The following DROSHA variants were observed in gnomAD, a reference collection of about 807,000 sequenced individuals.
The protein encoded by DROSHA is ribonuclease 3.
In DROSHA, 56 loss-of-function variants were observed where a neutral mutation model predicts 181.9. The ratio of observed to expected loss-of-function variants is 0.31; its 90% confidence interval spans 0.25 to 0.38. The LOEUF (loss-of-function observed/expected upper bound fraction) is 0.38. Ranked by LOEUF, DROSHA falls within the 10% of genes least tolerant of loss-of-function variation. The pLI is 1.00. For synonymous variants in DROSHA, 524 were observed against 591.2 expected (o/e 0.89, Z 1.65); for missense variants, 1,218 against 1,743.5 (o/e 0.70, Z 5.37).
intron 27 of DROSHA, among the ~76,000 whole-genome samples, chr5:31,426,609 G>A (rs1035986868): frequency 2.6e-5 from 4 of 152,018 alleles, no homozygotes; most frequent in African/African-American, 9.7e-5. Flanking sequence ...AATCAAAAAC[G>A]GGGCACCAGA....
chr5:31,413,324 C>T (rs7711840), intron 30 of DROSHA, among the ~76,000 whole-genome samples: 60 of 152,304 alleles, frequency 3.9e-4, no homozygotes, highest in African/African-American at 1.4e-3. Context: ...AAGGAAGCTA[C>T]ACATCATCCA....
chr5:31,450,377 C>T (rs1746826706), intron 21 of DROSHA, among the ~76,000 whole-genome samples: 2 of 152,200 alleles, frequency 1.3e-5, no homozygotes, highest in African/African-American at 4.8e-5. Flanking sequence ...GACACCTGCA[C>T]TTCTATGCTT....
intron 9 of DROSHA, among the ~76,000 whole-genome samples, chr5:31,509,984 A>G (rs2150053554): frequency 6.6e-6 from 1 of 150,984 alleles, no homozygotes; most frequent in East Asian, 2.0e-4. Context: ...GTTGAACCCT[A>G]TTGAACTGTA....
chr5:31,414,303 A>C, intron 30 of DROSHA, among the ~76,000 whole-genome samples: 1 of 152,168 alleles, frequency 6.6e-6, no homozygotes, highest in East Asian at 1.9e-4. Context: ...TGATGTTATA[A>C]ATTACTATTT....
At chr5:31,528,992 C>A in intron 4 of DROSHA, 48 bp downstream of exon 4, 2 of 1,609,470 alleles carry the variant, frequency 1.2e-6, no homozygotes, top group Non-Finnish European at 1.7e-6. Context: ...AATGTCTGCT[C>A]CTCTCTCGGT....
chr5:31,446,377 G>A (rs949815983), intron 23 of DROSHA, among the ~76,000 whole-genome samples: 3 of 146,546 alleles, frequency 2.0e-5, no homozygotes, highest in African/African-American at 7.6e-5. Context: ...AACCCGGGAG[G>A]TAGAGTTTGC....
chr5:31,441,336 G>A (rs1457690554), intron 23 of DROSHA, among the ~76,000 whole-genome samples: 3 of 152,122 alleles, frequency 2.0e-5, no homozygotes, highest in Non-Finnish European at 4.4e-5. Flanking sequence ...ACTTGAGCCT[G>A]GGAGGTCAAA....
intron 30 of DROSHA, among the ~76,000 whole-genome samples, chr5:31,412,794 C>T (rs1023559574): frequency 1.3e-5 from 2 of 152,086 alleles, no homozygotes; most frequent in African/African-American, 4.8e-5. Flanking sequence ...CAATAAAGAG[C>T]CCACTAGCCT....
chr5:31,412,261 G>T (rs1165177023), intron 30 of DROSHA, among the ~76,000 whole-genome samples: 1 of 152,188 alleles, frequency 6.6e-6, no homozygotes, highest in East Asian at 1.9e-4. Context: ...TAAGATTTGG[G>T]AGAGTAATGC....
chr5:31,515,765 T>G (rs1739210203), intron 6 of DROSHA, among the ~76,000 whole-genome samples: 1 of 152,232 alleles, frequency 6.6e-6, no homozygotes, highest in Non-Finnish European at 1.5e-5. Flanking sequence ...ACCACTTATG[T>G]CATCCCTAAC....
rs760309831 is a variant in DROSHA, at chr5:31,514,951, G to A, written c.1290+37C>T. ...AGGCCAATAGTGACAACGCCGAGAA[G>A]CCCTAGTCTACAGCTTGTCTGCTAC... is the stretch of plus-strand genomic sequence containing the variant. On this transcript the variant is annotated intron_variant, in intron 8 of 35. Transcript: ENST00000344624. The surrounding 1 kb of genome is among the most constrained non-coding windows in gnomAD (Gnocchi z 4.4). 2 of 1,592,414 alleles carry A rather than the reference G, an allele frequency of 1.3e-6. No individual in the cohort carries two copies. The highest frequency in any genetic ancestry group is 1.7e-6 in the Non-Finnish European group (2 of 1,163,804).
intron 11 of DROSHA, among the ~76,000 whole-genome samples, chr5:31,497,032 C>T (rs1246509668): frequency 6.6e-6 from 1 of 152,218 alleles, no homozygotes; most frequent in Non-Finnish European, 1.5e-5. Flanking sequence ...TGTAGTGCAA[C>T]CAATGGTAAC....
rs1746683780 is a variant in DROSHA, at chr5:31,449,278, T to C, written c.2821+3A>G. ...TTCACATCTTAAAATCATCCAGACA[T>C]ACCTTTCTTCCGCATGTGCATGTGA... On this transcript the variant is annotated splice_donor_region_variant and intron_variant, in intron 22 of 35. Coordinates refer to ENST00000344624, the MANE Select transcript of DROSHA (RefSeq NM_001382508.1). 1 of 1,613,560 alleles carries C rather than the reference T, an allele frequency of 6.2e-7. No individual in the cohort carries two copies. Among genetic ancestry groups the C allele is most frequent in the African/African-American group, 1.3e-5 (1 of 74,902 alleles).
At chr5:31,474,393 G>A (rs1003422211) in intron 16 of DROSHA, among the ~76,000 whole-genome samples, 5 of 151,622 alleles carry the variant, frequency 3.3e-5, no homozygotes, top group African/African-American at 1.2e-4. Flanking sequence ...TTGATTCAGG[G>A]TCTCTGTCAT....
intron 23 of DROSHA, among the ~76,000 whole-genome samples, chr5:31,443,005 A>AAC: frequency 6.6e-6 from 1 of 151,986 alleles, no homozygotes; most frequent in African/African-American, 2.4e-5. Context: ...TAGAGACATT[A>AAC]ACAAATAGTC....
chr5:31,499,084 T>C (rs557922101), intron 11 of DROSHA, among the ~76,000 whole-genome samples: 1 of 152,206 alleles, frequency 6.6e-6, no homozygotes, highest in East Asian at 1.9e-4. Flanking sequence ...ATCTCCATCC[T>C]CTGACCTCAG....
At chr5:31,469,414 A>G (rs1454236539) in intron 17 of DROSHA, among the ~76,000 whole-genome samples, 2 of 152,194 alleles carry the variant, frequency 1.3e-5, no homozygotes, top group African/African-American at 2.4e-5. Flanking sequence ...TCATTTAACA[A>G]ACAAAATGTC....
intron 24 of DROSHA, among the ~76,000 whole-genome samples, chr5:31,436,741 AACACAC>A (rs58046266): frequency 0.11 from 14,533 of 137,444 alleles, 815 homozygotes; most frequent in East Asian, 0.24. Context: ...TCTGGAGAGA[AACACAC>A]ACACACACAC....
intron 25 of DROSHA, among the ~76,000 whole-genome samples, chr5:31,434,577 A>G (rs993079217): frequency 2.0e-5 from 3 of 152,274 alleles, no homozygotes; most frequent in African/African-American, 7.2e-5. Context: ...CACATAAAAT[A>G]AAACAATGTG....
Sources: gnomAD v4.1 joint callset for allele counts (sites outside exome capture counted in the v4.1 genomes callset) on GRCh38, gnomAD v4.1.1 for gene constraint, Gnocchi (gnomAD v3.1) non-coding constraint, MANE v1.5 for transcripts, NCBI Gene and HGNC (gene_info 2026-07-23, HGNC 2026-07-21) for gene names.